Variants in NOTUM observed in about 807,000 individuals in gnomAD.
NOTUM encodes notum, palmitoleoyl-protein carboxylesterase.
NOTUM carries 36 observed loss-of-function variants against 65.5 expected under a neutral mutation model. That is an observed-to-expected ratio of 0.55 (90% CI 0.42 to 0.73). NOTUM has a LOEUF of 0.73. Among genes scored for constraint, NOTUM ranks in the 30% least tolerant of loss-of-function variants. The pLI, the probability that NOTUM is intolerant of heterozygous loss-of-function variation, is 0.00. For missense variants in NOTUM, 659 were observed against 694.2 expected, an observed-to-expected ratio of 0.95 and a Z score of 0.57; for synonymous variants, 356 against 297.9, an observed-to-expected ratio of 1.20 and a Z score of -2.01.
chr17:81,958,927 C>T lies in NOTUM; in HGVS notation c.533+8G>A. On this transcript the variant is annotated splice_region_variant and intron_variant, in intron 4 of 10. Coordinates refer to ENST00000409678, the MANE Select transcript of NOTUM (RefSeq NM_178493.6). ...AGGACTCCCAGGCAAGACCCTGTGC[C>T]CCCTTACACCATGTTTGCGTTCCAC... 6.2e-7 allele frequency: 1 copy of T among 1,609,876 alleles called. No individual in the cohort carries two copies. The highest frequency in any genetic ancestry group is 1.3e-5 in the African/African-American group (1 of 74,978).
In NOTUM at chr17:81,960,234, G is replaced by C. The variant is rs937598472; in HGVS notation, c.323+353C>G. 2.0e-5 allele frequency among the ~76,000 whole-genome samples: 3 copies of C among 152,216 alleles called. No homozygotes were observed. The East Asian group carries it at 5.8e-4, about 29-fold the overall frequency. ...TCTTTTATCTACTTCGGGGCTGCAA[G>C]GAGGTGGGCAGCGGGCCTCTCCCCG... On this transcript the variant is annotated intron_variant, in intron 1 of 10. Coordinates refer to ENST00000409678, the MANE Select transcript of NOTUM (RefSeq NM_178493.6). This position sits in a 1 kb window ranked among gnomAD's most constrained non-coding sequence, Gnocchi z 6.4.
chr17:81,957,805 C>T lies in NOTUM; in HGVS notation c.695+1G>A. The T allele has an allele frequency of 6.3e-7, 1 of 1,596,970 alleles. No individual in the cohort carries two copies. The highest frequency in any genetic ancestry group is 8.5e-7 in the Non-Finnish European group (1 of 1,171,886). On this transcript the variant is annotated splice_donor_variant, in intron 6 of 10. Coordinates refer to ENST00000409678, the MANE Select transcript of NOTUM (RefSeq NM_178493.6). LOFTEE classifies it high-confidence loss of function. ...CTCCAGCCCTGCCCCGCCCTGCCCA[C>T]CTGCTCCCGGCCAGCAGCAGCACCT...
intron 9 of NOTUM, 82 bp from the exon 10 acceptor site, chr17:81,954,385 C>A (rs553050333): frequency 7.1e-6 from 7 of 989,862 alleles, no homozygotes; most frequent in Non-Finnish European, 9.3e-6. Context: ...AGCTGTCCCC[C>A]GCCTGGCCAT....
Position 81,952,932 on chromosome 17 carries a change from A to G in NOTUM, c.*29T>C, listed in dbSNP as rs1193673656. The G allele has an allele frequency of 6.2e-7, 1 of 1,602,554 alleles. No individual in the cohort carries two copies. On this transcript the variant is annotated 3_prime_UTR_variant, in exon 11 of 11. Coordinates refer to ENST00000409678, the MANE Select transcript of NOTUM (RefSeq NM_178493.6). Reference sequence around the variant, plus strand: ...GGGGCAGCGGGTGTCTGGGCCCCTCAGTGCCGGCTCCTCCTCCAGACAGTC... The same window carrying G: ...GGGGCAGCGGGTGTCTGGGCCCCTCGGTGCCGGCTCCTCCTCCAGACAGTC...
intron 9 of NOTUM, among the ~76,000 whole-genome samples, chr17:81,955,169 T>C (rs952127065): frequency 3.9e-5 from 6 of 151,952 alleles, no homozygotes; most frequent in East Asian, 1.9e-4. Context: ...TTTGTGGAGA[T>C]AGGGTTTTGC....
At chr17:81,959,037 C>T in intron 3 of NOTUM, 42 bp from the exon 4 acceptor site, 2 of 1,566,620 alleles carry the variant, frequency 1.3e-6, no homozygotes, top group Non-Finnish European at 1.8e-6. Flanking sequence ...CGGGAGGAGG[C>T]TGTGTAGGGT....
chr17:81,957,166 G>T, intron 6 of NOTUM, 92 bp from the exon 7 acceptor site: 8 of 1,058,838 alleles, frequency 7.6e-6, no homozygotes, highest in Non-Finnish European at 1.1e-5. Flanking sequence ...CCCCGAGGGG[G>T]GCAGGAGTCC....
rs1246057889 is a variant in NOTUM, at chr17:81,958,398, A to C, written c.534-5T>G. 1 of 1,606,122 alleles carries C rather than the reference A, an allele frequency of 6.2e-7. No individual in the cohort carries two copies. Among genetic ancestry groups the C allele is most frequent in the East Asian group, 2.2e-5 (1 of 44,848 alleles). On this transcript the variant is annotated splice_polypyrimidine_tract_variant and splice_region_variant and intron_variant, in intron 4 of 10. Coordinates refer to ENST00000409678, the MANE Select transcript of NOTUM (RefSeq NM_178493.6). ...CTGGAGCAGTAGGGGATGAAGCTGC[A>C]ACACAGAACAGAGTGAGCCTGTCAC...
intron 4 of NOTUM, 35 bp from the exon 5 acceptor site, chr17:81,958,428 C>T: frequency 6.6e-7 from 1 of 1,515,554 alleles, no homozygotes; most frequent in South Asian, 1.1e-5. Flanking sequence ...TGTCACAGCG[C>T]CTGCCGCCCG....
In NOTUM at chr17:81,960,609, AG is replaced by A; in HGVS notation, c.300del (p.Cys101AlafsTer11). On this transcript the variant is annotated frameshift_variant, in exon 1 of 11. Transcript: ENST00000409678. LOFTEE classifies it high-confidence loss of function. This position sits in a 1 kb window ranked among gnomAD's most constrained non-coding sequence, Gnocchi z 6.4. ...TACCCGGCGGGGCTGCCGTCGTTGC[AG>A]GTCACCGAGGTGTTGAGTAGGAGGT... Reference protein sequence around the residue: ...RLHLLLNTSVTCNDGSPAGYY... With the variant: ...RLHLLLNTSVXCNDGSPAGYY... 2 of 1,514,700 alleles carry A rather than the reference AG, an allele frequency of 1.3e-6. No homozygotes were observed. The highest frequency in any genetic ancestry group is 1.8e-6 in the Non-Finnish European group (2 of 1,120,166). 93.8% of individuals were successfully genotyped at this position (1,514,700 alleles called of 1,614,324 possible).
rs2041399605 is a variant in NOTUM, at chr17:81,953,063, C to T, written c.1389G>A (p.Val463=). The T allele has an allele frequency of 6.2e-7, 1 of 1,613,906 alleles. No homozygotes were observed. The highest frequency in any genetic ancestry group is 8.5e-7 in the Non-Finnish European group (1 of 1,179,856). The change falls in exon 11 of 11, where the codon GTG becomes GTA. Residue 463 remains valine, a synonymous_variant. Coordinates refer to ENST00000409678, the MANE Select transcript of NOTUM (RefSeq NM_178493.6). ...AGCCCATGTGCATGAGGAACTGGGC[C>T]ACGTTCATCTCTTGCCCCGTGAACT... is the stretch of plus-strand genomic sequence containing the variant. ...RDQFTGQEMN[V]AQFLMHMGFD...
intron 4 of NOTUM, among the ~76,000 whole-genome samples, 198 bp downstream of exon 4, chr17:81,958,737 C>T (rs954082611): frequency 6.6e-6 from 1 of 152,044 alleles, no homozygotes; most frequent in Non-Finnish European, 1.5e-5. Flanking sequence ...CAGGAAGGAC[C>T]ATCCCAGGAC....
At chr17:81,959,611 G>A in intron 2 of NOTUM, 29 bp downstream of exon 2, 1 of 1,545,468 alleles carries the variant, frequency 6.5e-7, no homozygotes, top group Non-Finnish European at 8.7e-7. Flanking sequence ...CAGACCCCCG[G>A]CCTCCCCCCG....
chr17:81,957,187 T>C (rs2041440145), intron 6 of NOTUM, 113 bp from the exon 7 acceptor site: 1 of 810,446 alleles, frequency 1.2e-6, no homozygotes. Flanking sequence ...TGATGCGTTC[T>C]GAACTGCGGA....
rs745986713 is a variant in NOTUM at position 81,957,814 on chromosome 17, G to A, written c.687C>T (p.Ala229=). ...GLSGAKVLLL[A]GSSAGGTGVL... ...TGCCCCGCCCTGCCCACCTGCTCCC[G>A]GCCAGCAGCAGCACCTTGGCCCCGC... Residue 229 remains alanine, a synonymous_variant, in exon 6 of 11, where the codon GCC becomes GCT. Transcript: ENST00000409678. The A allele has an allele frequency of 8.7e-6, 14 of 1,601,750 alleles. No homozygotes were observed. The highest frequency in any genetic ancestry group is 4.5e-5 in the East Asian group (2 of 44,370).
chr17:81,957,745 T>A, intron 6 of NOTUM, 61 bp downstream of exon 6: 12 of 1,156,558 alleles, frequency 1.0e-5, no homozygotes, highest in Non-Finnish European at 1.5e-5. Flanking sequence ...CCCACACCCC[T>A]TCCATGCACC....
intron 8 of NOTUM, 66 bp downstream of exon 8, chr17:81,956,584 T>A (rs1246117523): frequency 5.2e-6 from 6 of 1,152,498 alleles, no homozygotes; most frequent in Non-Finnish European, 5.1e-6. Flanking sequence ...CCACGCTGGA[T>A]TTTCAGAAGC....
rs1206138063 is a variant in NOTUM, at chr17:81,953,112, G to A, written c.1340C>T (p.Pro447Leu). 1 of 1,613,794 alleles carries A rather than the reference G, an allele frequency of 6.2e-7. No homozygotes were observed. The highest frequency in any genetic ancestry group is 8.5e-7 in the Non-Finnish European group (1 of 1,179,800). Residue 447 changes from proline to leucine, a missense_variant, in exon 11 of 11, where the codon CCC becomes CTC. By Grantham distance (98) the Pro-to-Leu change is moderately conservative (BLOSUM62 -3). Transcript: ENST00000409678. ...CTGGTCTCGGACGGTGGGGCATGAG[G>A]GGTTGCAGTGGGGCCAGGGGCAGCT... is the stretch of plus-strand genomic sequence containing the variant. Reference protein sequence around the residue: ...VDSCPWPHCNPSCPTVRDQFT... With the variant: ...VDSCPWPHCNLSCPTVRDQFT...
In NOTUM at chr17:81,957,056, C is replaced by G. The variant is rs376673453; in HGVS notation, c.714G>C (p.Val238=). 1 of 1,604,818 alleles carries G rather than the reference C, an allele frequency of 6.2e-7. No homozygotes were observed. Among genetic ancestry groups the G allele is most frequent in the African/African-American group, 1.3e-5 (1 of 74,894 alleles). Reference sequence around the variant, plus strand: ...CAGCCACACGGTCCACATTCAGGAGCACCCCGGTGCCCCCCGCGCTGCAAG... The same window carrying G: ...CAGCCACACGGTCCACATTCAGGAGGACCCCGGTGCCCCCCGCGCTGCAAG... ...LAGSSAGGTG[V]LLNVDRVAEQ... Residue 238 remains valine (V), a synonymous_variant, in exon 7 of 11, where the codon GTG becomes GTC. Coordinates refer to ENST00000409678, the MANE Select transcript of NOTUM (RefSeq NM_178493.6).
Sources: allele counts gnomAD v4.1 joint callset (sites outside exome capture counted in the v4.1 genomes callset), GRCh38; gene constraint gnomAD v4.1.1; non-coding constraint Gnocchi (gnomAD v3.1); transcripts MANE v1.5; gene names NCBI Gene and HGNC (gene_info 2026-07-23, HGNC 2026-07-21).